USP48: variants seen among roughly 807,000 people sequenced by gnomAD.
USP48 encodes the protein ubiquitin specific peptidase 48.
Under a neutral mutation model 150.7 loss-of-function variants are expected in USP48, and 43 were observed. That is an observed-to-expected ratio of 0.29 (90% CI 0.22 to 0.37). The LOEUF (loss-of-function observed/expected upper bound fraction) is 0.37. USP48 is among the 10% of genes least tolerant of loss of function. The pLI is 1.00. For synonymous variants in USP48, 396 were observed against 425.9 expected, an observed-to-expected ratio of 0.93 and a Z score of 0.86; for missense variants, 813 against 1,249.6, an observed-to-expected ratio of 0.65 and a Z score of 5.27.
intron 15 of USP48, 30 bp from the exon 16 acceptor site, chr1:21,706,898 A>T (rs762828480): frequency 6.4e-7 from 1 of 1,567,668 alleles, no homozygotes; most frequent in South Asian, 1.2e-5. Context: ...TTTGGAAAAA[A>T]AAAAAACAGC....
chr1:21,680,902 C>A, intron 25 of USP48, 68 bp from the exon 26 acceptor site: 1 of 1,268,160 alleles, frequency 7.9e-7, no homozygotes, highest in Non-Finnish European at 1.1e-6. Context: ...AATATCATTT[C>A]AATGCTTAAA....
Position 21,728,045 on chromosome 1 carries a change from G to GTT in USP48, c.1450+524_1450+525insAA, listed in dbSNP as rs1241179311. 4 of 985,462 alleles carry GTT rather than the reference G, an allele frequency of 4.1e-6. No individual in the cohort carries two copies. In the East Asian group the frequency reaches 3.4e-4, roughly 84 times the overall value. The allele number at this position is 985,462 out of a possible 1,614,324, so 61.0% of individuals were successfully genotyped here. A position where few individuals can be genotyped will look rare whatever the true frequency, so the allele number is the denominator to read the frequency against. On this transcript the variant is annotated intron_variant, in intron 11 of 26. Coordinates refer to ENST00000308271, the MANE Select transcript of USP48 (RefSeq NM_032236.8). ...AACCTGAATAAACATATACAGAAAA[G>GTT]GGATAAGCTGGATTATGTGGGATAT...
chr1:21,717,936 AAAAACAAAAC>A (rs538023963), intron 14 of USP48, among the ~76,000 whole-genome samples: 3 of 152,234 alleles, frequency 2.0e-5, no homozygotes, highest in African/African-American at 4.8e-5. Flanking sequence ...ACTCCGTCTC[AAAAACAAAAC>A]AAAACAAAAC....
intron 14 of USP48, among the ~76,000 whole-genome samples, chr1:21,717,491 T>C (rs1017338408): frequency 2.7e-5 from 4 of 150,032 alleles, no homozygotes; most frequent in African/African-American, 7.3e-5. Flanking sequence ...AAAAATCAAG[T>C]AAAAAAATGG....
intron 25 of USP48, among the ~76,000 whole-genome samples, chr1:21,681,775 T>C (rs190671848): frequency 1.3e-3 from 203 of 152,320 alleles, no homozygotes; most frequent in Non-Finnish European, 2.4e-3. Context: ...ATTTACTACA[T>C]GGTATGACTT....
At chr1:21,749,298 C>T (rs1412185134) in intron 6 of USP48, among the ~76,000 whole-genome samples, 1 of 152,172 alleles carries the variant, frequency 6.6e-6, no homozygotes, top group African/African-American at 2.4e-5. Context: ...GACTCCTGTG[C>T]CAGCTGCTCC....
At chr1:21,745,696 A>C (rs890115362) in intron 8 of USP48, among the ~76,000 whole-genome samples, 1 of 152,232 alleles carries the variant, frequency 6.6e-6, no homozygotes, top group Non-Finnish European at 1.5e-5. Flanking sequence ...GCAAATATAT[A>C]ATAAACTTAG....
At position 21,783,087 on chromosome 1, in the gene USP48, T is replaced by C. The variant is rs1447554928; in HGVS notation, c.-130A>G. 6 of 1,308,448 alleles carry C rather than the reference T, an allele frequency of 4.6e-6. No homozygotes were observed. Among genetic ancestry groups the C allele is most frequent in the Non-Finnish European group, 5.9e-6 (6 of 1,013,894 alleles). 81.1% of individuals were successfully genotyped at this position (1,308,448 alleles called of 1,614,324 possible). On this transcript the variant is annotated 5_prime_UTR_variant, in exon 1 of 27. Transcript: ENST00000308271. ...GGCGCTCCTTCAGGCAGCTGGCCAGTCAATCACCTGTGCGCGCCACTGCCG... is the reference window on the plus strand; with the variant it reads ...GGCGCTCCTTCAGGCAGCTGGCCAGCCAATCACCTGTGCGCGCCACTGCCG...
chr1:21,724,118 G>A (rs745971669), intron 11 of USP48, 23 bp from the exon 12 acceptor site: 38 of 1,610,622 alleles, frequency 2.4e-5, no homozygotes, highest in Non-Finnish European at 3.1e-5. Flanking sequence ...GCATCGGAAA[G>A]AGCCTATGTA....
At chr1:21,681,552 G>A (rs185954914) in intron 25 of USP48, among the ~76,000 whole-genome samples, 24 of 152,194 alleles carry the variant, frequency 1.6e-4, no homozygotes, top group Non-Finnish European at 2.8e-4. Flanking sequence ...GTGGGCCATC[G>A]TGCCTGGCCT....
chr1:21,688,160 G>T (rs1259899365), intron 24 of USP48, among the ~76,000 whole-genome samples: 2 of 152,198 alleles, frequency 1.3e-5, no homozygotes, highest in Admixed American at 1.3e-4. Flanking sequence ...GCAATGGGAA[G>T]CGACTAAGTT....
chr1:21,728,906 T>C (rs1354558894), intron 10 of USP48, among the ~76,000 whole-genome samples, 187 bp from the exon 11 acceptor site: 1 of 152,128 alleles, frequency 6.6e-6, no homozygotes, highest in Non-Finnish European at 1.5e-5. Flanking sequence ...ACTGGAATAA[T>C]CCTAAATTGA....
intron 9 of USP48, among the ~76,000 whole-genome samples, chr1:21,732,441 G>T (rs1026817004): frequency 2.6e-5 from 4 of 152,058 alleles, no homozygotes; most frequent in Non-Finnish European, 5.9e-5. Context: ...ACAAAAGAAA[G>T]ATATAACCTC....
intron 21 of USP48, among the ~76,000 whole-genome samples, chr1:21,701,894 T>C (rs1398534207): frequency 3.9e-5 from 6 of 152,196 alleles, no homozygotes; most frequent in African/African-American, 1.4e-4. Flanking sequence ...AATGATGTTA[T>C]TTTGCAGAAG....
At chr1:21,693,052 C>A (rs75747971) in intron 23 of USP48, among the ~76,000 whole-genome samples, 1,647 of 152,116 alleles carry the variant, frequency 0.011, 26 homozygotes, top group African/African-American at 0.036. Context: ...GCTTGCGATG[C>A]TGTGTGGGGC....
intron 23 of USP48, among the ~76,000 whole-genome samples, 189 bp downstream of exon 23, chr1:21,694,877 A>C (rs1298109506): frequency 1.3e-5 from 2 of 152,212 alleles, no homozygotes; most frequent in East Asian, 3.8e-4. Flanking sequence ...GCTATTGCAG[A>C]ACCAGCCCAA....
At chr1:21,686,146 C>T (rs1326073019) in intron 25 of USP48, 1 of 152,128 alleles carries the variant, frequency 6.6e-6, no homozygotes. Flanking sequence ...GACCATTTGA[C>T]TTCCTCTTTT....
At chr1:21,781,480 C>T (rs1485360726) in intron 1 of USP48, among the ~76,000 whole-genome samples, 1 of 152,112 alleles carries the variant, frequency 6.6e-6, no homozygotes, top group Non-Finnish European at 1.5e-5. Flanking sequence ...AGCATGGTGG[C>T]TCACGCCTGT....
chr1:21,782,764 C>T, intron 1 of USP48, 60 bp downstream of exon 1: 2 of 1,481,300 alleles, frequency 1.4e-6, no homozygotes, highest in South Asian at 1.3e-5. Context: ...TCCCCTACCC[C>T]GCCCGGGCTT....
Sources: gnomAD v4.1 joint callset for allele counts (sites outside exome capture counted in the v4.1 genomes callset) on GRCh38, gnomAD v4.1.1 for gene constraint, MANE v1.5 for transcripts, NCBI Gene and HGNC (gene_info 2026-07-23, HGNC 2026-07-21) for gene names.